Variants in TRPM3 observed in about 807,000 individuals in gnomAD.
TRPM3 encodes transient receptor potential cation channel subfamily M member 3.
A neutral mutation model predicts 181.2 loss-of-function variants in TRPM3; 77 were observed. The observed-to-expected ratio is 0.42, with a 90% CI of 0.35 to 0.51. The LOEUF (loss-of-function observed/expected upper bound fraction) is 0.51. TRPM3 is among the 20% of genes least tolerant of loss of function. The pLI is 0.01. For missense variants in TRPM3, 1,759 were observed against 2,196.7 expected, an observed-to-expected ratio of 0.80 and a Z score of 3.98; for synonymous variants, 745 against 796.4, an observed-to-expected ratio of 0.94 and a Z score of 1.09.
At chr9:70,900,780 T>C (rs1428612312) in intron 1 of TRPM3, among the ~76,000 whole-genome samples, 1 of 152,176 alleles carries the variant, frequency 6.6e-6, no homozygotes, top group African/African-American at 2.4e-5. Context: ...GGTTTCAGGC[T>C]TGTAAGACTG....
intron 1 of TRPM3, among the ~76,000 whole-genome samples, chr9:71,265,277 A>G (rs2083310565): frequency 6.6e-6 from 1 of 152,232 alleles, no homozygotes; most frequent in African/African-American, 2.4e-5. Context: ...GATGTCCCAT[A>G]GTAGCCAAAT....
intron 1 of TRPM3, among the ~76,000 whole-genome samples, chr9:71,232,721 G>C (rs1239937797): frequency 1.3e-5 from 2 of 151,900 alleles, no homozygotes; most frequent in Non-Finnish European, 2.9e-5. Flanking sequence ...GGCTGGTCTT[G>C]AACTCCAGAC....
chr9:70,891,329 G>A (rs1270858379), intron 1 of TRPM3, among the ~76,000 whole-genome samples: 2 of 151,902 alleles, frequency 1.3e-5, no homozygotes, highest in African/African-American at 2.4e-5. Context: ...GTATATGCTG[G>A]GAAAAGGGAA....
chr9:71,189,080 G>T (rs1390989920), intron 1 of TRPM3, among the ~76,000 whole-genome samples: 1 of 151,752 alleles, frequency 6.6e-6, no homozygotes, highest in Non-Finnish European at 1.5e-5. Flanking sequence ...CTTCAATAAG[G>T]ATACTTCTGA....
At chr9:71,364,852 A>T (rs1048261935) in intron 1 of TRPM3, among the ~76,000 whole-genome samples, 1 of 152,204 alleles carries the variant, frequency 6.6e-6, no homozygotes, top group African/African-American at 2.4e-5. Flanking sequence ...ACAAGAATAC[A>T]TCCTTTTTCT....
At chr9:71,217,361 T>C (rs1042665382) in intron 1 of TRPM3, among the ~76,000 whole-genome samples, 2 of 152,154 alleles carry the variant, frequency 1.3e-5, no homozygotes, top group Non-Finnish European at 2.9e-5. Context: ...TGTTACACTT[T>C]TGCAGGCACT....
intron 9 of TRPM3, among the ~76,000 whole-genome samples, chr9:70,673,045 T>C (rs2063289633): frequency 6.6e-6 from 1 of 151,760 alleles, no homozygotes; most frequent in Admixed American, 6.6e-5. Context: ...TAAAGAAAAG[T>C]GGGTAGAAGT....
At chr9:70,762,199 G>A (rs2078271028) in intron 7 of TRPM3, among the ~76,000 whole-genome samples, 1 of 152,132 alleles carries the variant, frequency 6.6e-6, no homozygotes, top group Non-Finnish European at 1.5e-5. Flanking sequence ...ACATCCATAA[G>A]CAGAAATAGG....
At chr9:71,376,019 T>C (rs1463742828) in intron 1 of TRPM3, among the ~76,000 whole-genome samples, 2 of 152,112 alleles carry the variant, frequency 1.3e-5, no homozygotes, top group African/African-American at 2.4e-5. Flanking sequence ...CTGTGTATTA[T>C]ACTGTAATAA....
chr9:70,975,940 G>A (rs1197377949), intron 1 of TRPM3, among the ~76,000 whole-genome samples: 1 of 152,122 alleles, frequency 6.6e-6, no homozygotes, highest in East Asian at 1.9e-4. Context: ...TTTACCCAAA[G>A]CGTCAAGCAT....
chr9:70,927,106 T>C (rs2096728442), intron 1 of TRPM3, among the ~76,000 whole-genome samples: 1 of 152,238 alleles, frequency 6.6e-6, no homozygotes, highest in Non-Finnish European at 1.5e-5. Context: ...TTATACTATA[T>C]GTCACTACCA....
chr9:70,580,198 T>A (rs188985867), intron 22 of TRPM3, among the ~76,000 whole-genome samples: 1 of 152,314 alleles, frequency 6.6e-6, no homozygotes. Flanking sequence ...GGTTGCATAT[T>A]TTCTAGCCAT....
chr9:70,671,929 A>AGTTTT (rs756835607), intron 9 of TRPM3, among the ~76,000 whole-genome samples: 1 of 98,524 alleles, frequency 1.0e-5, no homozygotes, highest in African/African-American at 5.7e-5. Flanking sequence ...ATGTCCAGCT[A>AGTTTT]ATTTTTTTTT....
At chr9:71,230,424 G>A (rs575565270) in intron 1 of TRPM3, among the ~76,000 whole-genome samples, 28 of 152,024 alleles carry the variant, frequency 1.8e-4, no homozygotes, top group Non-Finnish European at 3.7e-4. Context: ...GGTAACTATA[G>A]TCAATAATTT....
chr9:70,861,297 C>T lies in TRPM3; in HGVS notation c.462+1611G>A, dbSNP rs552238089. Among the ~76,000 whole-genome samples the T allele has an allele frequency of 3.7e-4, 56 of 152,184 alleles. No homozygotes were observed. The South Asian group carries it at 0.011, about 30-fold the overall frequency. On this transcript the variant is annotated intron_variant, in intron 3 of 25. Transcript: ENST00000677713. ...ACTCCCCAAAAGACAGATGAGTGCA[C>T]ATTTGGACAATGGCAGCATCATGGT...
intron 1 of TRPM3, among the ~76,000 whole-genome samples, chr9:70,928,785 T>C (rs1002483385): frequency 1.3e-5 from 2 of 152,188 alleles, no homozygotes; most frequent in African/African-American, 2.4e-5. Context: ...GCGGGCATCA[T>C]GCAAACTCAT....
chr9:71,408,919 T>G (rs968356674), intron 1 of TRPM3, among the ~76,000 whole-genome samples: 1 of 152,060 alleles, frequency 6.6e-6, no homozygotes, highest in Non-Finnish European at 1.5e-5. Flanking sequence ...GCAGAAACTC[T>G]ACAAGCCAAA....
chr9:71,023,660 T>A (rs1361862661), intron 1 of TRPM3, among the ~76,000 whole-genome samples: 1 of 150,722 alleles, frequency 6.6e-6, no homozygotes, highest in Non-Finnish European at 1.5e-5. Flanking sequence ...ATTTTTGATG[T>A]ATGCAACAAC....
At chr9:70,775,554 G>A (rs1250191986) in intron 7 of TRPM3, 2 of 152,174 alleles carry the variant, frequency 1.3e-5, no homozygotes, top group Non-Finnish European at 2.9e-5. Context: ...GTCTTCAATG[G>A]AGTTTCACAA....
Sources: gnomAD v4.1 joint callset for allele counts (sites outside exome capture counted in the v4.1 genomes callset) on GRCh38, gnomAD v4.1.1 for gene constraint, MANE v1.5 for transcripts, NCBI Gene and HGNC (gene_info 2026-07-23, HGNC 2026-07-21) for gene names.